Variants in PCDHGB2 observed in about 807,000 individuals in gnomAD.
PCDHGB2 encodes protocadherin gamma-B2.
In PCDHGB2, 55 loss-of-function variants were observed where a neutral mutation model predicts 59.3. The ratio of observed to expected loss-of-function variants is 0.93; its 90% confidence interval spans 0.75 to 1.16. The LOEUF is 1.16. Ranked by LOEUF, PCDHGB2 falls within the 50% of genes most tolerant of loss-of-function variation. The pLI is 0.00. For missense variants in PCDHGB2, 1,228 were observed against 1,198.5 expected (o/e 1.02, Z -0.36); for synonymous variants, 516 against 512.0 (o/e 1.01, Z -0.11).
At position 141,399,541 on chromosome 5, in the gene PCDHGB2, G is replaced by T. The variant is rs1301909841; in HGVS notation, c.2421+36985G>T. Reference sequence around the variant, plus strand: ...TGGGGCCTCCATCGCGCAAGTCTGCGCCTCGGACCTGGACTTGGGGTTGAA... The same window carrying T: ...TGGGGCCTCCATCGCGCAAGTCTGCTCCTCGGACCTGGACTTGGGGTTGAA... On this transcript the variant is annotated intron_variant, in intron 1 of 3. Transcript: ENST00000522605. 1.9e-6 allele frequency: 3 copies of T among 1,613,926 alleles called. No individual in the cohort carries two copies. In the Admixed American group the frequency reaches 5.0e-5, roughly 27 times the overall value.
chr5:141,417,767 T>G lies in PCDHGB2; in HGVS notation c.2421+55211T>G, dbSNP rs1333916865. 1.3e-5 allele frequency: 19 copies of G among 1,442,000 alleles called. No individual in the cohort carries two copies. The South Asian group carries it at 1.8e-4, about 13-fold the overall frequency. 89.3% of individuals were successfully genotyped at this position (1,442,000 alleles called of 1,614,324 possible). ...GATTGCCAGCTCCGAGACCCGGGAC[T>G]CCTCCTGTCCTGGGCCGAATGCTCT... On this transcript the variant is annotated intron_variant, in intron 1 of 3. Coordinates refer to ENST00000522605, the MANE Select transcript of PCDHGB2 (RefSeq NM_018923.3).
At chr5:141,398,892 G>A in intron 1 of PCDHGB2, 5 of 1,613,916 alleles carry the variant, frequency 3.1e-6, no homozygotes, top group Non-Finnish European at 4.2e-6. Context: ...GGGAAAACGT[G>A]CCACCAGGCA....
At chr5:141,499,438 G>A (rs2154592492) in intron 2 of PCDHGB2, among the ~76,000 whole-genome samples, 1 of 152,158 alleles carries the variant, frequency 6.6e-6, no homozygotes, top group Admixed American at 6.5e-5. Context: ...AAAATTAAAA[G>A]GAAAACCACC....
In PCDHGB2 at chr5:141,361,116, A is replaced by G; in HGVS notation, c.981A>G (p.Leu327=). 6.2e-7 allele frequency: 1 copy of G among 1,614,026 alleles called. No individual in the cohort carries two copies. The highest frequency in any genetic ancestry group is 8.5e-7 in the Non-Finnish European group (1 of 1,179,900). The part of the protein sequence containing the change: ...LSIEAKDPGD[L]AAHCSIQVEI... Reference sequence around the variant, plus strand: ...TCGAAGCAAAAGATCCTGGAGATCTAGCAGCCCACTGCAGTATCCAAGTTG... The same window carrying G: ...TCGAAGCAAAAGATCCTGGAGATCTGGCAGCCCACTGCAGTATCCAAGTTG... The change falls in exon 1 of 4, where the codon CTA becomes CTG. Residue 327 remains leucine (L), a synonymous_variant. Coordinates refer to ENST00000522605, the MANE Select transcript of PCDHGB2 (RefSeq NM_018923.3).
Position 141,415,510 on chromosome 5 carries a change from T to C in PCDHGB2, c.2421+52954T>C, listed in dbSNP as rs780820182. On this transcript the variant is annotated intron_variant, in intron 1 of 3. Coordinates refer to ENST00000522605, the MANE Select transcript of PCDHGB2 (RefSeq NM_018923.3). ...TCACCTGATCTTCCCCCAGCCCAAT[T>C]ATGCGGACACGCTCATCAGCCAGGA... The C allele has an allele frequency of 2.5e-6, 4 of 1,614,088 alleles. No homozygotes were observed. The African/African-American group carries it at 5.3e-5, about 22-fold the overall frequency.
chr5:141,399,133 G>T (rs1054849184), intron 1 of PCDHGB2: 2 of 1,613,832 alleles, frequency 1.2e-6, no homozygotes, highest in African/African-American at 1.3e-5. Flanking sequence ...TATTCAAGAT[G>T]AAAATGACAA....
chr5:141,404,071 C>T, intron 1 of PCDHGB2: 2 of 1,613,734 alleles, frequency 1.2e-6, no homozygotes, highest in Non-Finnish European at 1.7e-6. Context: ...ATGCTCATGA[C>T]CGAGACTCCG....
intron 1 of PCDHGB2, chr5:141,423,720 A>T: frequency 3.1e-6 from 3 of 957,770 alleles, no homozygotes; most frequent in Admixed American, 5.5e-5. Context: ...TTTTAAGGAG[A>T]TGTTTTTTGA....
intron 1 of PCDHGB2, chr5:141,375,722 T>G (rs1422655230): frequency 6.2e-7 from 1 of 1,614,260 alleles, no homozygotes; most frequent in South Asian, 1.1e-5. Context: ...CAGCAACGTG[T>G]CACTGAGCCT....
In PCDHGB2 at chr5:141,485,099, G is replaced by T; in HGVS notation, c.2422-9708G>T. The T allele has an allele frequency of 8.7e-7, 1 of 1,145,218 alleles. No individual in the cohort carries two copies. Among genetic ancestry groups the T allele is most frequent in the Non-Finnish European group, 1.3e-6 (1 of 775,682 alleles). 70.9% of individuals were successfully genotyped at this position (1,145,218 alleles called of 1,614,324 possible). A position where few individuals can be genotyped will look rare whatever the true frequency, so the allele number is the denominator to read the frequency against. ...GGGGAAAGGGAGATAGGTGTCTCCA[G>T]CTGCTGTGGCTGTTTGGGGCGGGTC... On this transcript the variant is annotated intron_variant, in intron 1 of 3. Transcript: ENST00000522605. The surrounding 1 kb of genome is among the most constrained non-coding windows in gnomAD (Gnocchi z 5.7).
At chr5:141,434,535 A>G (rs939961995) in intron 1 of PCDHGB2, among the ~76,000 whole-genome samples, 1 of 152,230 alleles carries the variant, frequency 6.6e-6, no homozygotes, top group African/African-American at 2.4e-5. Flanking sequence ...ACCACAAACA[A>G]TAGCATGAGT....
chr5:141,405,056 T>A (rs770920034), intron 1 of PCDHGB2: 8 of 1,613,836 alleles, frequency 5.0e-6, no homozygotes, highest in Non-Finnish European at 6.8e-6. Context: ...AGTCGTCTCC[T>A]GTGTCTTCCT....
chr5:141,476,687 A>G lies in PCDHGB2; in HGVS notation c.2422-18120A>G. 1 of 1,614,212 alleles carries G rather than the reference A, an allele frequency of 6.2e-7. No individual in the cohort carries two copies. Among genetic ancestry groups the G allele is most frequent in the Non-Finnish European group, 8.5e-7 (1 of 1,180,044 alleles). On this transcript the variant is annotated intron_variant, in intron 1 of 3. Transcript: ENST00000522605. This position sits in a 1 kb window ranked among gnomAD's most constrained non-coding sequence, Gnocchi z 7.6. ...TCGCGTGCAGACGCGGGAGGACAGC[A>G]CCAAGTACGCGGAGCTGGTGTTGGA... is the stretch of plus-strand genomic sequence containing the variant.
chr5:141,431,325 G>A lies in PCDHGB2; in HGVS notation c.2422-63482G>A. On this transcript the variant is annotated intron_variant, in intron 1 of 3. Transcript: ENST00000522605. The surrounding 1 kb of genome is among the most constrained non-coding windows in gnomAD (Gnocchi z 4.8). ...ATCGTGCAAAATGGAGCCGACGGTA[G>A]TAAGTACCCCGAATTGGTGCTGAAA... is the stretch of plus-strand genomic sequence containing the variant. 6.2e-7 allele frequency: 1 copy of A among 1,614,144 alleles called. No homozygotes were observed. The highest frequency in any genetic ancestry group is 8.5e-7 in the Non-Finnish European group (1 of 1,180,052).
intron 1 of PCDHGB2, chr5:141,392,318 C>T (rs1213951508): frequency 6.6e-6 from 1 of 152,062 alleles, no homozygotes; most frequent in Non-Finnish European, 1.5e-5. Context: ...TTTTTTAAGA[C>T]CAAATGTATT....
chr5:141,438,368 G>A (rs1216571092), intron 1 of PCDHGB2, among the ~76,000 whole-genome samples: 2 of 151,558 alleles, frequency 1.3e-5, no homozygotes, highest in African/African-American at 4.8e-5. Context: ...GTCATTGAGG[G>A]CAGATATAAT....
intron 1 of PCDHGB2, chr5:141,403,336 C>T (rs2094393288): frequency 1.9e-6 from 3 of 1,614,032 alleles, no homozygotes; most frequent in Non-Finnish European, 2.5e-6. Flanking sequence ...ATATTAACGA[C>T]AGCGCCCCAA....
At chr5:141,433,655 G>T (rs1227358856) in intron 1 of PCDHGB2, among the ~76,000 whole-genome samples, 2 of 152,036 alleles carry the variant, frequency 1.3e-5, no homozygotes, top group Non-Finnish European at 1.5e-5. Flanking sequence ...GACCAACATG[G>T]AGAAACCCCG....
intron 1 of PCDHGB2, among the ~76,000 whole-genome samples, chr5:141,494,177 TG>T (rs2099752471): frequency 6.6e-6 from 1 of 152,176 alleles, no homozygotes; most frequent in Non-Finnish European, 1.5e-5. Flanking sequence ...GGGTGAGAAG[TG>T]TCCCGGGACT....
Sources: allele counts gnomAD v4.1 joint callset (sites outside exome capture counted in the v4.1 genomes callset), GRCh38; gene constraint gnomAD v4.1.1; non-coding constraint Gnocchi (gnomAD v3.1); transcripts MANE v1.5; gene names NCBI Gene and HGNC (gene_info 2026-07-23, HGNC 2026-07-21).